The following H2AZ2 variants were observed in gnomAD, a reference collection of about 807,000 sequenced individuals.
H2AZ2 encodes histone H2A.V.
In H2AZ2, 5 loss-of-function variants were observed where a neutral mutation model predicts 15.5. The ratio of observed to expected loss-of-function variants is 0.32; its 90% CI spans 0.17 to 0.68. The LOEUF (loss-of-function observed/expected upper bound fraction) is 0.68. Among genes scored for constraint, H2AZ2 ranks in the 30% least tolerant of loss-of-function variants. The pLI, the probability that H2AZ2 is intolerant of heterozygous loss-of-function variation, is 0.72. For synonymous variants in H2AZ2, 44 were observed against 57.4 expected (o/e 0.77, Z 1.05); for missense variants, 42 against 162.5 (o/e 0.26, Z 4.03).
chr7:44,835,522 T>C lies in H2AZ2; in HGVS notation c.325+7A>G, dbSNP rs1313842064. The C allele has an allele frequency of 1.2e-6, 2 of 1,613,110 alleles. No homozygotes were observed. Among genetic ancestry groups the C allele is most frequent in the Non-Finnish European group, 1.7e-6 (2 of 1,179,510 alleles). On this transcript the variant is annotated splice_region_variant and intron_variant, in intron 4 of 4. Coordinates refer to ENST00000308153, the MANE Select transcript of H2AZ2 (RefSeq NM_012412.5). ...ATAAGAATCAAGGCTTAAGTAGTAATACATACCACCCCCAGCTATGGTAGC... is the reference window on the plus strand; with the variant it reads ...ATAAGAATCAAGGCTTAAGTAGTAACACATACCACCCCCAGCTATGGTAGC...
At position 44,833,980 on chromosome 7, in the gene H2AZ2, TG is replaced by T. The variant is rs933402848; in HGVS notation, c.*520del. 1 of 191,982 alleles carries T rather than the reference TG, an allele frequency of 5.2e-6. No homozygotes were observed. The highest frequency in any genetic ancestry group is 9.6e-6 in the Non-Finnish European group (1 of 104,514). The allele number at this position is 191,982 out of a possible 1,614,324, so 11.9% of individuals were successfully genotyped here. Reference sequence around the variant, plus strand: ...TTCTATAATCTAACATCTCTCAAATTGGGATGTCTCATAATTGATGGCATAT... The same window carrying T: ...TTCTATAATCTAACATCTCTCAAATTGGATGTCTCATAATTGATGGCATAT... On this transcript the variant is annotated 3_prime_UTR_variant, in exon 5 of 5. Transcript: ENST00000308153.
intron 3 of H2AZ2, among the ~76,000 whole-genome samples, chr7:44,838,657 C>T (rs1793192101): frequency 6.6e-6 from 1 of 152,014 alleles, no homozygotes; most frequent in Non-Finnish European, 1.5e-5. Context: ...TGTCTCAAAA[C>T]AAACACACAA....
rs558055891 is a variant in H2AZ2 at position 44,847,024 on chromosome 7, G to A, written c.3+945C>T. On this transcript the variant is annotated intron_variant, in intron 1 of 4. Transcript: ENST00000308153. ...ACCATATCTGTCACATCAAGCACAAGACAAATCATCTAATACTATCTGCAG... is the reference window on the plus strand; with the variant it reads ...ACCATATCTGTCACATCAAGCACAAAACAAATCATCTAATACTATCTGCAG... Among the ~76,000 whole-genome samples, 13 of 152,222 alleles carry A rather than the reference G, an allele frequency of 8.5e-5. No individual in the cohort carries two copies. The Middle Eastern group carries it at 0.01, about 119-fold the overall frequency.
At chr7:44,839,085 C>T (rs1793203901) in intron 3 of H2AZ2, among the ~76,000 whole-genome samples, 1 of 152,150 alleles carries the variant, frequency 6.6e-6, no homozygotes. Flanking sequence ...TAATATACAG[C>T]AATTTTGTAT....
chr7:44,844,634 G>A (rs1397125516), intron 1 of H2AZ2, among the ~76,000 whole-genome samples: 1 of 152,174 alleles, frequency 6.6e-6, no homozygotes, highest in Middle Eastern at 3.2e-3. Context: ...GATTACAGGC[G>A]TGAGCCACTG....
At chr7:44,842,918 A>C (rs1461876799) in intron 2 of H2AZ2, among the ~76,000 whole-genome samples, 1 of 152,066 alleles carries the variant, frequency 6.6e-6, no homozygotes, top group African/African-American at 2.4e-5. Flanking sequence ...AGGCAGGCAG[A>C]TCACGAGGTC....
At chr7:44,845,937 T>C (rs1198194756) in intron 1 of H2AZ2, among the ~76,000 whole-genome samples, 2 of 152,146 alleles carry the variant, frequency 1.3e-5, no homozygotes, top group East Asian at 3.9e-4. Flanking sequence ...TTAATATAAT[T>C]GGTGCTTGAG....
At position 44,836,486 on chromosome 7, in the gene H2AZ2, G is replaced by GGGCC. The variant is rs529657699; in HGVS notation, c.196-832_196-829dup. 4.5e-3 allele frequency among the ~76,000 whole-genome samples: 680 copies of GGGCC among 151,968 alleles called. 9 individuals are homozygous for GGGCC. Among genetic ancestry groups the GGGCC allele is most frequent in the African/African-American group, 0.016 (647 of 41,468 alleles). Reference sequence around the variant, plus strand: ...AAAGTGCTGGGATTACAGGTGTACTGGGCCATCGCACTCAGCCTAAAATAT... The same window carrying GGGCC: ...AAAGTGCTGGGATTACAGGTGTACTGGGCCGGCCATCGCACTCAGCCTAAAATAT... On this transcript the variant is annotated intron_variant, in intron 3 of 4. Transcript: ENST00000308153.
chr7:44,830,130 T>C (rs184455428), downstream of H2AZ2: 3 of 1,613,494 alleles, frequency 1.9e-6, no homozygotes, highest in Admixed American at 1.7e-5. Context: ...CCTAATACAA[T>C]GGCATCTTCT....
In H2AZ2 at chr7:44,833,218, GTA is replaced by G. The variant is rs1216249717; in HGVS notation, c.*1281_*1282del. 6.6e-6 allele frequency among the ~76,000 whole-genome samples: 1 copy of G among 151,804 alleles called. No individual in the cohort carries two copies. The highest frequency in any genetic ancestry group is 1.5e-5 in the Non-Finnish European group (1 of 67,958). ...TGTGTACCATGCCTGGCTAATTTCT[GTA>G]TTTTTAGTAGAGACTTTTTTTTGTT... On this transcript the variant is annotated 3_prime_UTR_variant, in exon 5 of 5. Coordinates refer to ENST00000308153, the MANE Select transcript of H2AZ2 (RefSeq NM_012412.5).
intron 3 of H2AZ2, among the ~76,000 whole-genome samples, chr7:44,836,929 G>C (rs1184116254): frequency 6.6e-6 from 1 of 151,860 alleles, no homozygotes; most frequent in Non-Finnish European, 1.5e-5. Context: ...CCAGGAAGCG[G>C]AGCTTGCAGT....
intron 1 of H2AZ2, among the ~76,000 whole-genome samples, chr7:44,844,930 G>C (rs190991486): frequency 0.015 from 2,318 of 151,924 alleles, 25 homozygotes; most frequent in Middle Eastern, 0.031. Flanking sequence ...AAATACTAAA[G>C]GTCTGACTTA....
chr7:44,835,425 T>C (rs1793095600), intron 4 of H2AZ2, 104 bp downstream of exon 4: 1 of 855,654 alleles, frequency 1.2e-6, no homozygotes, highest in Non-Finnish European at 1.7e-6. Context: ...AATTAAAGTT[T>C]ATATGCTTTC....
At chr7:44,835,240 C>G in intron 4 of H2AZ2, 2 of 393,318 alleles carry the variant, frequency 5.1e-6, no homozygotes, top group Non-Finnish European at 9.0e-6. Flanking sequence ...ACTCATTTTT[C>G]AAACACAGTT....
chr7:44,834,240 A>G lies in H2AZ2; in HGVS notation c.*261T>C. 4.9e-6 allele frequency: 6 copies of G among 1,222,414 alleles called. No individual in the cohort carries two copies. The highest frequency in any genetic ancestry group is 6.1e-6 in the Non-Finnish European group (6 of 978,030). The allele number at this position is 1,222,414 out of a possible 1,614,324, so 75.7% of individuals were successfully genotyped here. Reference sequence around the variant, plus strand: ...GTTTTGAGACAAATTAATTTTGTAAAAAATGGTTTATCAATTCCATTTTTG... The same window carrying G: ...GTTTTGAGACAAATTAATTTTGTAAGAAATGGTTTATCAATTCCATTTTTG... On this transcript the variant is annotated 3_prime_UTR_variant, in exon 5 of 5. Coordinates refer to ENST00000308153, the MANE Select transcript of H2AZ2 (RefSeq NM_012412.5).
Position 44,834,025 on chromosome 7 carries a change from T to G in H2AZ2, c.*476A>C, listed in dbSNP as rs1484808062. ...GGCATATCATGATTTAATTGGCAGG[T>G]TTTTTCCTTAGTCGTTTGTAAAAAA... On this transcript the variant is annotated 3_prime_UTR_variant, in exon 5 of 5. Transcript: ENST00000308153. The G allele has an allele frequency of 2.7e-6, 1 of 370,212 alleles. No homozygotes were observed. The highest frequency in any genetic ancestry group is 2.2e-5 in the African/African-American group (1 of 45,296). 22.9% of individuals were successfully genotyped at this position (370,212 alleles called of 1,614,324 possible).
At chr7:44,847,940 G>C in intron 1 of H2AZ2, 29 bp downstream of exon 1, 1 of 1,507,606 alleles carries the variant, frequency 6.6e-7, no homozygotes, top group Non-Finnish European at 8.8e-7. Context: ...CCCAGGCCCC[G>C]TGCCCCCGGC....
Position 44,832,571 on chromosome 7 carries a change from T to C in H2AZ2, c.*1930A>G, listed in dbSNP as rs1036597762. On this transcript the variant is annotated 3_prime_UTR_variant, in exon 5 of 5. Transcript: ENST00000308153. ...GATAGCATTATACTATAAAATATTT[T>C]AAAATTTCCTTCTTTAATGAAGACT... Among the ~76,000 whole-genome samples the C allele has an allele frequency of 3.3e-5, 5 of 152,224 alleles. No individual in the cohort carries two copies. The highest frequency in any genetic ancestry group is 1.2e-4 in the African/African-American group (5 of 41,460).
downstream of H2AZ2, among the ~76,000 whole-genome samples, chr7:44,831,240 T>TA (rs542669057): frequency 1.1e-3 from 175 of 152,310 alleles, 1 homozygote; most frequent in Middle Eastern, 6.8e-3. Context: ...CATGAAGTGA[T>TA]ATGATAGCTG....
Sources: allele counts gnomAD v4.1 joint callset (sites outside exome capture counted in the v4.1 genomes callset), GRCh38; gene constraint gnomAD v4.1.1; transcripts MANE v1.5; gene names NCBI Gene and HGNC (gene_info 2026-07-23, HGNC 2026-07-21).